The following NCKAP5 variants were observed in gnomAD, a reference collection of about 807,000 sequenced individuals.
The protein encoded by NCKAP5 is NCK associated protein 5, also known as nck-associated protein 5.
A neutral mutation model predicts 167.0 loss-of-function variants in NCKAP5; 92 were observed. That is an observed-to-expected ratio of 0.55 (90% CI 0.47 to 0.66). The LOEUF is 0.66. Among genes scored for constraint, NCKAP5 ranks in the 30% least tolerant of loss-of-function variants. The pLI, the probability that NCKAP5 is intolerant of heterozygous loss-of-function variation, is 0.00. For missense variants in NCKAP5, 2,378 were observed against 2,315.0 expected (o/e 1.03, Z -0.56); for synonymous variants, 891 against 877.4 (o/e 1.02, Z -0.27).
chr2:133,089,576 A>G (rs549162313), intron 6 of NCKAP5, among the ~76,000 whole-genome samples: 1 of 152,370 alleles, frequency 6.6e-6, no homozygotes, highest in African/African-American at 2.4e-5. Flanking sequence ...TCTGAATAAA[A>G]CAAAGTACTC....
At chr2:133,426,176 A>G (rs754314274) in intron 3 of NCKAP5, among the ~76,000 whole-genome samples, 14 of 152,116 alleles carry the variant, frequency 9.2e-5, no homozygotes, top group Admixed American at 2.6e-4. Context: ...AGGCTGAGGC[A>G]GGAGAATAGC....
intron 4 of NCKAP5, among the ~76,000 whole-genome samples, chr2:133,238,457 G>C (rs551966509): frequency 6.6e-6 from 1 of 152,276 alleles, no homozygotes; most frequent in African/African-American, 2.4e-5. Context: ...TCTCAGTCTT[G>C]TGGATGAGAA....
intron 11 of NCKAP5, among the ~76,000 whole-genome samples, chr2:132,843,643 A>G (rs977806170): frequency 2.6e-5 from 4 of 151,758 alleles, no homozygotes; most frequent in African/African-American, 9.7e-5. Context: ...GGCAATCTCC[A>G]ATGGCTTTTG....
At chr2:132,719,265 A>G (rs1027729434) in intron 19 of NCKAP5, among the ~76,000 whole-genome samples, 1 of 152,206 alleles carries the variant, frequency 6.6e-6, no homozygotes, top group Non-Finnish European at 1.5e-5. Flanking sequence ...TTAAAAAAAA[A>G]ATTTTAAGTA....
intron 5 of NCKAP5, among the ~76,000 whole-genome samples, chr2:133,133,581 T>C (rs1487303780): frequency 6.6e-6 from 1 of 152,182 alleles, no homozygotes; most frequent in Admixed American, 6.5e-5. Context: ...GTGAGCTTTG[T>C]TATTAGTAAA....
chr2:133,203,916 A>T (rs969485369), intron 5 of NCKAP5, among the ~76,000 whole-genome samples: 1 of 152,196 alleles, frequency 6.6e-6, no homozygotes, highest in Admixed American at 6.5e-5. Context: ...CTAGAATTTT[A>T]TCTCTTTACA....
At chr2:133,104,306 T>C (rs1177021420) in intron 6 of NCKAP5, among the ~76,000 whole-genome samples, 2 of 152,210 alleles carry the variant, frequency 1.3e-5, no homozygotes, top group Non-Finnish European at 2.9e-5. Flanking sequence ...AAATGTTTAA[T>C]TGTACATCCT....
chr2:132,796,850 A>C, intron 11 of NCKAP5, 121 bp from the exon 12 acceptor site: 1 of 668,108 alleles, frequency 1.5e-6, no homozygotes, highest in Non-Finnish European at 2.5e-6. Context: ...TACATGTCCT[A>C]ATTAAAAAAA....
chr2:133,632,145 G>C, the NCKAP5 span, among the ~76,000 whole-genome samples: 6 of 152,344 alleles, frequency 3.9e-5, no homozygotes, highest in East Asian at 1.2e-3. Flanking sequence ...TGTTCACCAG[G>C]GGGAGGACTA....
intron 8 of NCKAP5, among the ~76,000 whole-genome samples, chr2:132,898,357 G>T (rs1034286742): frequency 2.6e-5 from 4 of 152,124 alleles, no homozygotes; most frequent in Admixed American, 2.6e-4. Context: ...TCCACTAAAG[G>T]CTTGACCCCT....
chr2:132,869,722 G>A (rs6758675), intron 9 of NCKAP5, among the ~76,000 whole-genome samples: 76,986 of 151,924 alleles, frequency 0.51, 19,913 homozygotes, highest in East Asian at 0.71. Flanking sequence ...AAGAAGAAGG[G>A]GGCTCACCCT....
chr2:133,017,731 C>G (rs540240911), intron 6 of NCKAP5, among the ~76,000 whole-genome samples: 1 of 147,780 alleles, frequency 6.8e-6, no homozygotes, highest in Non-Finnish European at 1.5e-5. Context: ...TCCCCGCCCC[C>G]CCACTGTTTC....
chr2:133,349,173 T>C (rs528662731), intron 3 of NCKAP5, among the ~76,000 whole-genome samples: 1 of 152,268 alleles, frequency 6.6e-6, no homozygotes, highest in Non-Finnish European at 1.5e-5. Context: ...AGGCCTATAT[T>C]CCCCCATTCT....
chr2:132,730,806 T>C (rs1481185558), intron 17 of NCKAP5, among the ~76,000 whole-genome samples: 1 of 152,208 alleles, frequency 6.6e-6, no homozygotes, highest in Non-Finnish European at 1.5e-5. Context: ...TTACAGTCTT[T>C]AAAAATGTAG....
chr2:133,287,125 G>C (rs1679201986), intron 4 of NCKAP5, among the ~76,000 whole-genome samples: 1 of 152,162 alleles, frequency 6.6e-6, no homozygotes, highest in South Asian at 2.1e-4. Flanking sequence ...TTCTCCACAA[G>C]ACAACTCATT....
intron 6 of NCKAP5, among the ~76,000 whole-genome samples, chr2:133,050,941 A>G (rs1010643324): frequency 2.0e-5 from 3 of 152,370 alleles, no homozygotes; most frequent in Non-Finnish European, 4.4e-5. Context: ...GACTGAACGC[A>G]TGTGTGAAAT....
intron 5 of NCKAP5, among the ~76,000 whole-genome samples, chr2:133,143,624 G>A (rs749273852): frequency 6.6e-6 from 1 of 152,040 alleles, no homozygotes; most frequent in Non-Finnish European, 1.5e-5. Context: ...TCACAGAGAA[G>A]TCACAAAGTA....
chr2:132,876,815 A>G (rs1691319120), intron 9 of NCKAP5, among the ~76,000 whole-genome samples: 1 of 152,204 alleles, frequency 6.6e-6, no homozygotes, highest in African/African-American at 2.4e-5. Flanking sequence ...TGGATAACTT[A>G]TATTTTTGTC....
At chr2:133,187,484 G>A (rs1425382593) in intron 5 of NCKAP5, among the ~76,000 whole-genome samples, 2 of 152,056 alleles carry the variant, frequency 1.3e-5, no homozygotes, top group African/African-American at 4.8e-5. Flanking sequence ...GAACCCAGGA[G>A]TTTGAGACCC....
Sources: allele counts gnomAD v4.1 joint callset (sites outside exome capture counted in the v4.1 genomes callset), GRCh38; gene constraint gnomAD v4.1.1; transcripts MANE v1.5; gene names NCBI Gene and HGNC (gene_info 2026-07-23, HGNC 2026-07-21).